Variants in JAKMIP1 observed in about 807,000 individuals in gnomAD.
JAKMIP1 encodes the protein janus kinase and microtubule-interacting protein 1.
A neutral mutation model predicts 113.0 loss-of-function variants in JAKMIP1; 33 were observed. The ratio of observed to expected loss-of-function variants is 0.29; its 90% CI spans 0.22 to 0.39. The LOEUF (loss-of-function observed/expected upper bound fraction) is 0.39. Among genes scored for constraint, JAKMIP1 ranks in the 10% least tolerant of loss-of-function variants. The pLI, the probability that JAKMIP1 is intolerant of heterozygous loss-of-function variation, is 1.00. For synonymous variants in JAKMIP1, 480 were observed against 459.9 expected (o/e 1.04, Z -0.56); for missense variants, 813 against 1,080.5 (o/e 0.75, Z 3.47).
Position 6,054,165 on chromosome 4 carries a change from T to C in JAKMIP1, c.1708-17A>G. ...TCTGTAAATCTAGAGCAAAGATACCTGCGGATTAACAGGATGGGTGGGAGC... is the reference window on the plus strand; with the variant it reads ...TCTGTAAATCTAGAGCAAAGATACCCGCGGATTAACAGGATGGGTGGGAGC... On this transcript the variant is annotated splice_polypyrimidine_tract_variant and intron_variant, in intron 12 of 20. Transcript: ENST00000409021. 6 of 1,613,856 alleles carry C rather than the reference T, an allele frequency of 3.7e-6. No homozygotes were observed. The highest frequency in any genetic ancestry group is 5.1e-6 in the Non-Finnish European group (6 of 1,179,802).
chr4:6,039,125 G>A (rs1560633026), intron 18 of JAKMIP1, among the ~76,000 whole-genome samples: 1 of 152,222 alleles, frequency 6.6e-6, no homozygotes, highest in Non-Finnish European at 1.5e-5. Flanking sequence ...AAGTGTGAAG[G>A]TAGCTTCTGT....
Position 6,050,761 on chromosome 4 carries a change from C to T in JAKMIP1, c.1807-82G>A. ...ATTTTCCCACGTTACTCAGCAAAAA[C>T]CAAGGAATTCCAGTGGGCACAGACG... On this transcript the variant is annotated intron_variant, in intron 13 of 20. Coordinates refer to ENST00000409021, the MANE Select transcript of JAKMIP1 (RefSeq NM_001099433.2). The surrounding 1 kb of genome is among the most constrained non-coding windows in gnomAD (Gnocchi z 7.4). 1 of 1,119,680 alleles carries T rather than the reference C, an allele frequency of 8.9e-7. No homozygotes were observed. The highest frequency in any genetic ancestry group is 1.3e-6 in the Non-Finnish European group (1 of 760,720). The allele number at this position is 1,119,680 out of a possible 1,614,324, so 69.4% of individuals were successfully genotyped here.
Position 6,097,044 on chromosome 4 carries a change from C to T in JAKMIP1, c.624+8429G>A, listed in dbSNP as rs1711906816. 6.6e-6 allele frequency among the ~76,000 whole-genome samples: 1 copy of T among 152,156 alleles called. No individual in the cohort carries two copies. The highest frequency in any genetic ancestry group is 6.5e-5 in the Admixed American group (1 of 15,284). On this transcript the variant is annotated intron_variant, in intron 3 of 20. Transcript: ENST00000409021. The surrounding 1 kb of genome is among the most constrained non-coding windows in gnomAD (Gnocchi z 4.3). The stretch of plus-strand genomic sequence containing the variant: ...CAAGACAGACTCTCTCTCTGTCACC[C>T]AGGCTGGAGTGCAGGGGCATGATCG...
chr4:6,171,905 A>G (rs1271145389), intron 1 of JAKMIP1, among the ~76,000 whole-genome samples: 2 of 152,258 alleles, frequency 1.3e-5, no homozygotes, highest in African/African-American at 4.8e-5. Flanking sequence ...GGTGATGTGT[A>G]TATTCTTGCA....
chr4:6,051,732 G>A lies in JAKMIP1; in HGVS notation c.1807-1053C>T, dbSNP rs77608611. Among the ~76,000 whole-genome samples, 121 of 152,320 alleles carry A rather than the reference G, an allele frequency of 7.9e-4. No homozygotes were observed. The highest frequency in any genetic ancestry group is 3.4e-3 in the Middle Eastern group (1 of 294). On this transcript the variant is annotated intron_variant, in intron 13 of 20. Transcript: ENST00000409021. This position sits in a 1 kb window ranked among gnomAD's most constrained non-coding sequence, Gnocchi z 5.0. Reference sequence around the variant, plus strand: ...AGGTATTTATTAATCATACATAAATGACAAGGTTTTAAAAGGTCGGGAAAA... The same window carrying A: ...AGGTATTTATTAATCATACATAAATAACAAGGTTTTAAAAGGTCGGGAAAA...
At chr4:6,177,584 C>G (rs988686981) in intron 1 of JAKMIP1, among the ~76,000 whole-genome samples, 1 of 152,184 alleles carries the variant, frequency 6.6e-6, no homozygotes, top group African/African-American at 2.4e-5. Flanking sequence ...GCTGTGTGAC[C>G]TGCATCATCA....
intron 1 of JAKMIP1, among the ~76,000 whole-genome samples, chr4:6,196,278 G>A (rs542543661): frequency 3.9e-5 from 6 of 152,236 alleles, no homozygotes; most frequent in South Asian, 2.1e-4. Flanking sequence ...GCGCTCCTGC[G>A]TCCCACCTCC....
chr4:6,180,034 G>A lies in JAKMIP1; in HGVS notation c.-148+20219C>T, dbSNP rs537424931. 6.6e-6 allele frequency among the ~76,000 whole-genome samples: 1 copy of A among 152,288 alleles called. No individual in the cohort carries two copies. The highest frequency in any genetic ancestry group is 1.5e-5 in the Non-Finnish European group (1 of 68,040). ...TAGAAGCCATGCAAGAACATTTGCA[G>A]GGATAAACAGCAGGCTCCTTCCTGC... On this transcript the variant is annotated intron_variant, in intron 1 of 20. Coordinates refer to ENST00000409021, the MANE Select transcript of JAKMIP1 (RefSeq NM_001099433.2). The surrounding 1 kb of genome is among the most constrained non-coding windows in gnomAD (Gnocchi z 4.5).
In JAKMIP1 at chr4:6,176,758, G is replaced by A. The variant is rs180903876; in HGVS notation, c.-148+23495C>T. On this transcript the variant is annotated intron_variant, in intron 1 of 20. Transcript: ENST00000409021. The surrounding 1 kb of genome is among the most constrained non-coding windows in gnomAD (Gnocchi z 5.5). ...ATCAAAGTGGTGGGAAAAGCTGGGC[G>A]CCATGGCTCACACCTGTAATCCTAG... 3.3e-5 allele frequency among the ~76,000 whole-genome samples: 5 copies of A among 152,268 alleles called. No homozygotes were observed. The highest frequency in any genetic ancestry group is 2.6e-4 in the Admixed American group (4 of 15,284).
In JAKMIP1 at chr4:6,176,545, A is replaced by C. The variant is rs1011227474; in HGVS notation, c.-148+23708T>G. Reference sequence around the variant, plus strand: ...TAGAAACAAGACGCAGCACTGTACCACATCACCCGGACACACTCAGAATGG... The same window carrying C: ...TAGAAACAAGACGCAGCACTGTACCCCATCACCCGGACACACTCAGAATGG... On this transcript the variant is annotated intron_variant, in intron 1 of 20. Coordinates refer to ENST00000409021, the MANE Select transcript of JAKMIP1 (RefSeq NM_001099433.2). This position sits in a 1 kb window ranked among gnomAD's most constrained non-coding sequence, Gnocchi z 5.5. Among the ~76,000 whole-genome samples, 1 of 152,180 alleles carries C rather than the reference A, an allele frequency of 6.6e-6. No individual in the cohort carries two copies. Among genetic ancestry groups the C allele is most frequent in the African/African-American group, 2.4e-5 (1 of 41,428 alleles).
rs755650327 is a variant in JAKMIP1, at chr4:6,193,048, G to A, written c.-148+7205C>T. Among the ~76,000 whole-genome samples the A allele has an allele frequency of 5.3e-5, 8 of 152,160 alleles. No individual in the cohort carries two copies. Among genetic ancestry groups the A allele is most frequent in the Admixed American group, 1.3e-4 (2 of 15,286 alleles). ...CAGTGTGGGTGGGCACCATCTAATC[G>A]GCTGCCAGCGTGGCTAGAATAAAGC... is the stretch of plus-strand genomic sequence containing the variant. On this transcript the variant is annotated intron_variant, in intron 1 of 20. Coordinates refer to ENST00000409021, the MANE Select transcript of JAKMIP1 (RefSeq NM_001099433.2). The surrounding 1 kb of genome is among the most constrained non-coding windows in gnomAD (Gnocchi z 6.4).
In JAKMIP1 at chr4:6,140,223, G is replaced by A. The variant is rs1719919159; in HGVS notation, c.-147-27226C>T. Among the ~76,000 whole-genome samples, 18 of 151,918 alleles carry A rather than the reference G, an allele frequency of 1.2e-4. No individual in the cohort carries two copies. Among genetic ancestry groups the A allele is most frequent in the Admixed American group, 1.2e-3 (18 of 15,268 alleles). ...ACGTGGCTCTCCACCCGGACATTTG[G>A]GCTGCTCCCTATTTTTCTTTTTTCC... On this transcript the variant is annotated intron_variant, in intron 1 of 20. Transcript: ENST00000409021. This position sits in a 1 kb window ranked among gnomAD's most constrained non-coding sequence, Gnocchi z 9.4.
chr4:6,079,105 G>T, intron 7 of JAKMIP1, 107 bp from the exon 8 acceptor site: 1 of 1,150,818 alleles, frequency 8.7e-7, no homozygotes, highest in Non-Finnish European at 1.3e-6. Context: ...ACCAGGCATG[G>T]CTAGTTGAAG....
Position 6,049,009 on chromosome 4 carries a change from CGTT to C in JAKMIP1, c.1963-90_1963-88del, listed in dbSNP as rs1379798210. The C allele has an allele frequency of 1.3e-5, 12 of 917,966 alleles. No homozygotes were observed. The highest frequency in any genetic ancestry group is 3.9e-5 in the Admixed American group (2 of 50,780). The allele number at this position is 917,966 out of a possible 1,614,324, so 56.9% of individuals were successfully genotyped here. Reference sequence around the variant, plus strand: ...CAGCACCAAGCAAGTTTTTTTTTTTCGTTGTTGTTGTTTGTTTTATTATGTTTG... The same window carrying C: ...CAGCACCAAGCAAGTTTTTTTTTTTCGTTGTTGTTTGTTTTATTATGTTTG... On this transcript the variant is annotated intron_variant, in intron 15 of 20. Transcript: ENST00000409021. The surrounding 1 kb of genome is among the most constrained non-coding windows in gnomAD (Gnocchi z 7.0).
intron 1 of JAKMIP1, among the ~76,000 whole-genome samples, chr4:6,134,698 T>A (rs1171344016): frequency 6.6e-6 from 1 of 152,218 alleles, no homozygotes; most frequent in Non-Finnish European, 1.5e-5. Flanking sequence ...GCTCGGTGTC[T>A]GCCAGAATCA....
rs1403590659 is a variant in JAKMIP1 at position 6,065,194 on chromosome 4, A to G, written c.1303-186T>C. On this transcript the variant is annotated intron_variant, in intron 8 of 20. Transcript: ENST00000409021. The surrounding 1 kb of genome is among the most constrained non-coding windows in gnomAD (Gnocchi z 5.1). ...GATAAAAGGTGGCAGCAGGTGGCGG[A>G]TGACCCTAGGGTTTACAGCCTGAGC... is the stretch of plus-strand genomic sequence containing the variant. 6.6e-6 allele frequency among the ~76,000 whole-genome samples: 1 copy of G among 152,146 alleles called. No homozygotes were observed. Among genetic ancestry groups the G allele is most frequent in the Non-Finnish European group, 1.5e-5 (1 of 68,032 alleles).
At chr4:6,195,817 G>A (rs1032167455) in intron 1 of JAKMIP1, among the ~76,000 whole-genome samples, 1 of 152,228 alleles carries the variant, frequency 6.6e-6, no homozygotes, top group African/African-American at 2.4e-5. Flanking sequence ...AATGTCTTTG[G>A]CTTCCCAGAT....
At chr4:6,161,360 C>T (rs1174213001) in intron 1 of JAKMIP1, among the ~76,000 whole-genome samples, 1 of 152,136 alleles carries the variant, frequency 6.6e-6, no homozygotes, top group East Asian at 1.9e-4. Flanking sequence ...AGACTGAGCC[C>T]ACTTTTTGTG....
chr4:6,183,553 G>C lies in JAKMIP1; in HGVS notation c.-148+16700C>G, dbSNP rs1726304883. ...TGGAACAGAAACTTCAGTACTCAGGGTGCTGGGACTTGGTTTTCAAACCAC... is the reference window on the plus strand; with the variant it reads ...TGGAACAGAAACTTCAGTACTCAGGCTGCTGGGACTTGGTTTTCAAACCAC... On this transcript the variant is annotated intron_variant, in intron 1 of 20. Coordinates refer to ENST00000409021, the MANE Select transcript of JAKMIP1 (RefSeq NM_001099433.2). The surrounding 1 kb of genome is among the most constrained non-coding windows in gnomAD (Gnocchi z 5.3). Among the ~76,000 whole-genome samples the C allele has an allele frequency of 6.6e-6, 1 of 151,166 alleles. No individual in the cohort carries two copies. Among genetic ancestry groups the C allele is most frequent in the African/African-American group, 2.4e-5 (1 of 41,248 alleles).
Sources: gnomAD v4.1 joint callset for allele counts (sites outside exome capture counted in the v4.1 genomes callset) on GRCh38, gnomAD v4.1.1 for gene constraint, Gnocchi (gnomAD v3.1) non-coding constraint, MANE v1.5 for transcripts, NCBI Gene and HGNC (gene_info 2026-07-23, HGNC 2026-07-21) for gene names.